PKN2: variants seen among roughly 807,000 people sequenced by gnomAD.
PKN2 encodes the protein protein kinase N2.
In PKN2, 38 loss-of-function variants were observed where a neutral mutation model predicts 119.1. That is an observed-to-expected ratio of 0.32 (90% confidence interval 0.25 to 0.42). PKN2 has a LOEUF of 0.42. Among genes scored for constraint, PKN2 ranks in the 10% least tolerant of loss-of-function variants. PKN2 has a pLI of 1.00. For synonymous variants in PKN2, 390 were observed against 384.9 expected, an observed-to-expected ratio of 1.01 and a Z score of -0.15; for missense variants, 850 against 1,165.1, an observed-to-expected ratio of 0.73 and a Z score of 3.94.
chr1:88,819,548 G>A (rs1192421662), intron 16 of PKN2, among the ~76,000 whole-genome samples: 1 of 152,128 alleles, frequency 6.6e-6, no homozygotes, highest in Non-Finnish European at 1.5e-5. Context: ...AAATAGGAAT[G>A]TTTTTACACT....
intron 2 of PKN2, among the ~76,000 whole-genome samples, chr1:88,742,012 C>T (rs1309884932): frequency 6.6e-6 from 1 of 151,950 alleles, no homozygotes; most frequent in Non-Finnish European, 1.5e-5. Flanking sequence ...GTATATCCTT[C>T]CAGATAAAAA....
intron 8 of PKN2, among the ~76,000 whole-genome samples, chr1:88,793,769 TATA>T (rs1200649867): frequency 6.6e-6 from 1 of 152,178 alleles, no homozygotes; most frequent in Non-Finnish European, 1.5e-5. Flanking sequence ...CTACAGTAAT[TATA>T]ATACCCAGTG....
At chr1:88,825,731 A>T (rs1672474274) in intron 18 of PKN2, among the ~76,000 whole-genome samples, 1 of 152,144 alleles carries the variant, frequency 6.6e-6, no homozygotes, top group South Asian at 2.1e-4. Context: ...CCTGCCATGT[A>T]ATTGCTGAAT....
intron 2 of PKN2, among the ~76,000 whole-genome samples, chr1:88,759,327 C>T (rs1480593674): frequency 1.3e-5 from 2 of 152,192 alleles, no homozygotes; most frequent in Non-Finnish European, 2.9e-5. Flanking sequence ...GGCGCCACTG[C>T]ACTCCAGGCT....
chr1:88,724,087 G>C (rs1409420082), intron 1 of PKN2, among the ~76,000 whole-genome samples: 1 of 152,178 alleles, frequency 6.6e-6, no homozygotes, highest in Admixed American at 6.5e-5. Context: ...ATTTAGTTAA[G>C]TTAGATAACT....
chr1:88,732,296 A>T (rs962387731), intron 1 of PKN2, among the ~76,000 whole-genome samples: 1 of 152,218 alleles, frequency 6.6e-6, no homozygotes, highest in African/African-American at 2.4e-5. Context: ...TGTCAAAAAA[A>T]TAGAGAAAAC....
rs377246617 is a variant in PKN2 at position 88,805,953 on chromosome 1, G to A, written c.1739G>A (p.Arg580Gln). 2.5e-5 allele frequency: 40 copies of A among 1,613,360 alleles called. No individual in the cohort carries two copies. Among genetic ancestry groups the A allele is most frequent in the Admixed American group, 3.3e-5 (2 of 59,994 alleles). ...CCTGAACCTCCTCCAGCCCCACCAC[G>A]AGCTTCTTCTCTTGGAGAAATAGAT... Reference protein sequence around the residue: ...LEPEPPPAPPRASSLGEIDES... With the variant: ...LEPEPPPAPPQASSLGEIDES... Residue 580 changes from arginine (R) to glutamine (Q), a missense_variant, in exon 12 of 22, where the codon CGA becomes CAA. Arg to Gln is a conservative substitution (Grantham distance 43, BLOSUM62 1). Around this residue, in one of 9 missense-constraint regions of PKN2, gnomAD observed 216 missense variants for 252.8 expected, o/e 0.85. Coordinates refer to ENST00000370521, the MANE Select transcript of PKN2 (RefSeq NM_006256.4).
intron 1 of PKN2, among the ~76,000 whole-genome samples, chr1:88,719,416 A>C (rs1272241318): frequency 2.0e-5 from 3 of 152,212 alleles, no homozygotes; most frequent in Non-Finnish European, 4.4e-5. Context: ...TTTAATGAGA[A>C]GCCCAAATCT....
At chr1:88,773,698 GA>G (rs1669980798) in intron 6 of PKN2, among the ~76,000 whole-genome samples, 1 of 152,202 alleles carries the variant, frequency 6.6e-6, no homozygotes, top group African/African-American at 2.4e-5. Context: ...AGAATTGCAT[GA>G]GCCCAGGAGT....
chr1:88,822,027 TA>T, intron 17 of PKN2, 24 bp downstream of exon 17: 1 of 1,493,672 alleles, frequency 6.7e-7, no homozygotes, highest in African/African-American at 1.4e-5. Flanking sequence ...TAATTTTTTC[TA>T]ATGGCTTGCT....
intron 1 of PKN2, among the ~76,000 whole-genome samples, chr1:88,714,374 G>A (rs141784036): frequency 6.6e-6 from 1 of 152,182 alleles, no homozygotes; most frequent in Non-Finnish European, 1.5e-5. Flanking sequence ...ACCATGGGCA[G>A]TGTGGCCATT....
chr1:88,703,342 A>G (rs1666849141), intron 1 of PKN2, among the ~76,000 whole-genome samples: 1 of 152,188 alleles, frequency 6.6e-6, no homozygotes, highest in Non-Finnish European at 1.5e-5. Context: ...GCACGATCTT[A>G]TTAATAGATT....
chr1:88,746,436 A>C (rs1668771408), intron 2 of PKN2, among the ~76,000 whole-genome samples: 1 of 152,168 alleles, frequency 6.6e-6, no homozygotes, highest in Non-Finnish European at 1.5e-5. Flanking sequence ...TATTTAAAAA[A>C]TGGGCAAAGG....
intron 3 of PKN2, among the ~76,000 whole-genome samples, chr1:88,761,271 A>G (rs1669428989): frequency 6.6e-6 from 1 of 152,210 alleles, no homozygotes; most frequent in Admixed American, 6.5e-5. Context: ...AGAAAGATAT[A>G]AAGTTATAAA....
At chr1:88,700,349 C>T (rs957463807) in intron 1 of PKN2, among the ~76,000 whole-genome samples, 1 of 152,096 alleles carries the variant, frequency 6.6e-6, no homozygotes, top group Non-Finnish European at 1.5e-5. Context: ...ATGCAGAACC[C>T]GTTTTAAAAA....
intron 1 of PKN2, among the ~76,000 whole-genome samples, chr1:88,733,649 T>TGTA (rs1570549944): frequency 6.6e-6 from 1 of 152,312 alleles, no homozygotes; most frequent in East Asian, 1.9e-4. Flanking sequence ...CTCTGTTGAT[T>TGTA]GTTACCTTTA....
intron 3 of PKN2, among the ~76,000 whole-genome samples, chr1:88,767,324 G>A (rs1274675041): frequency 6.6e-6 from 1 of 152,082 alleles, no homozygotes; most frequent in African/African-American, 2.4e-5. Flanking sequence ...AATAAGATTT[G>A]GGCTCAAATC....
intron 1 of PKN2, among the ~76,000 whole-genome samples, chr1:88,685,700 A>G (rs1236360715): frequency 2.6e-5 from 4 of 152,114 alleles, no homozygotes; most frequent in Non-Finnish European, 5.9e-5. Context: ...AAGATTGTAG[A>G]TGGGAATTAG....
At chr1:88,727,313 A>G (rs969579230) in intron 1 of PKN2, among the ~76,000 whole-genome samples, 1 of 151,808 alleles carries the variant, frequency 6.6e-6, no homozygotes, top group African/African-American at 2.4e-5. Context: ...TTGAAACAGC[A>G]TTCCTTTAGG....
Sources: gnomAD v4.1 joint callset for allele counts (sites outside exome capture counted in the v4.1 genomes callset) on GRCh38, gnomAD v4.1.1 for gene constraint, gnomAD v4.1.1 regional missense constraint, MANE v1.5 for transcripts, NCBI Gene and HGNC (gene_info 2026-07-23, HGNC 2026-07-21) for gene names.